The following SPEG variants were observed in gnomAD, a reference collection of about 807,000 sequenced individuals.
SPEG encodes the protein striated muscle preferentially expressed protein kinase.
SPEG carries 114 observed loss-of-function variants against 300.4 expected under a neutral mutation model. The ratio of observed to expected loss-of-function variants is 0.38; its 90% CI spans 0.33 to 0.44. The LOEUF (loss-of-function observed/expected upper bound fraction) is 0.44. Ranked by LOEUF, SPEG falls within the 20% of genes least tolerant of loss-of-function variation. The pLI is 1.00. For synonymous variants in SPEG, 1,964 were observed against 2,018.9 expected, an observed-to-expected ratio of 0.97 and a Z score of 0.73; for missense variants, 4,201 against 4,586.2, an observed-to-expected ratio of 0.92 and a Z score of 2.43.
rs1193831778 is a variant in SPEG, at chr2:219,448,989, G to C, written c.1831G>C (p.Val611Leu). The change falls in exon 4 of 41, where the codon GTG becomes CTG. Residue 611 changes from valine (V) to leucine (L), a missense_variant. Coordinates refer to ENST00000312358, the MANE Select transcript of SPEG (RefSeq NM_005876.5). ...AGCCATCCAGGAGTGCAGGAGCCCT[G>C]TGCCGCCCCCCGCCGCCGATCCCCC... The part of the protein sequence containing the change: ...SRAIQECRSP[V>L]PPPAADPPEA... 7 of 1,494,972 alleles carry C rather than the reference G, an allele frequency of 4.7e-6. No homozygotes were observed. Among genetic ancestry groups the C allele is most frequent in the Non-Finnish European group, 6.2e-6 (7 of 1,125,142 alleles). 92.6% of individuals were successfully genotyped at this position (1,494,972 alleles called of 1,614,324 possible). A position where few individuals can be genotyped will look rare whatever the true frequency, so the allele number is the denominator to read the frequency against.
chr2:219,480,821 A>T lies in SPEG; in HGVS notation c.5369+124A>T, dbSNP rs1006330295. On this transcript the variant is annotated intron_variant, in intron 26 of 40. Transcript: ENST00000312358. This position sits in a 1 kb window ranked among gnomAD's most constrained non-coding sequence, Gnocchi z 5.3. ...TCCTTCTTGCACTGCAAGGAGCCTC[A>T]TGTGCATGAAGGTGGACACCCCTGT... The T allele has an allele frequency of 1.6e-5, 15 of 920,626 alleles. No individual in the cohort carries two copies. In the Admixed American group the frequency reaches 1.9e-4, roughly 11 times the overall value. The allele number at this position is 920,626 out of a possible 1,614,324, so 57.0% of individuals were successfully genotyped here. A position where few individuals can be genotyped will look rare whatever the true frequency, so the allele number is the denominator to read the frequency against.
In SPEG at chr2:219,484,757, C is replaced by T. The variant is rs1046152112; in HGVS notation, c.7294C>T (p.Arg2432Cys). 9 of 1,461,970 alleles carry T rather than the reference C, an allele frequency of 6.2e-6. No individual in the cohort carries two copies. The highest frequency in any genetic ancestry group is 8.0e-6 in the Non-Finnish European group (9 of 1,118,836). 90.6% of individuals were successfully genotyped at this position (1,461,970 alleles called of 1,614,324 possible). A position where few individuals can be genotyped will look rare whatever the true frequency, so the allele number is the denominator to read the frequency against. ...PAQRHPAWEARGGDGESSEGG... is the reference protein window; with the variant it reads ...PAQRHPAWEACGGDGESSEGG... ...GCAGCGCCACCCGGCCTGGGAGGCC[C>T]GCGGCGGGGACGGAGAGAGCTCGGA... The change falls in exon 30 of 41, where the codon CGC (arginine) becomes TGC (cysteine). Residue 2432 changes from arginine (R) to cysteine (C), a missense_variant. By Grantham distance (180) the Arg-to-Cys change is radical. Around this residue, in one of 4 missense-constraint regions of SPEG, gnomAD observed 1,578 missense variants for 1,506.0 expected, o/e 1.05. Transcript: ENST00000312358.
At position 219,448,121 on chromosome 2, in the gene SPEG, G is replaced by T. The variant is rs775841824; in HGVS notation, c.963G>T (p.Pro321=). ...CCCCTCGGGTCGGGAAGCGGTCCCCGCCGGGACCCCCGGCCCAGCCCGCGG... is the reference window on the plus strand; with the variant it reads ...CCCCTCGGGTCGGGAAGCGGTCCCCTCCGGGACCCCCGGCCCAGCCCGCGG... ...PPSPRVGKRS[P]PGPPAQPAAT... The change falls in exon 4 of 41, where the codon CCG becomes CCT. Residue 321 remains proline (P), a synonymous_variant. Coordinates refer to ENST00000312358, the MANE Select transcript of SPEG (RefSeq NM_005876.5). The T allele has an allele frequency of 1.2e-6, 2 of 1,603,224 alleles. No individual in the cohort carries two copies. Among genetic ancestry groups the T allele is most frequent in the South Asian group, 1.1e-5 (1 of 90,220 alleles).
intron 28 of SPEG, chr2:219,482,002 T>G: frequency 2.0e-6 from 1 of 498,592 alleles, no homozygotes; most frequent in South Asian, 2.2e-5. Flanking sequence ...TCCTGACTTC[T>G]GTCTGTCCAT....
At position 219,479,866 on chromosome 2, in the gene SPEG, G is replaced by A. The variant is rs776547819; in HGVS notation, c.5163+6G>A. 2 of 1,614,124 alleles carry A rather than the reference G, an allele frequency of 1.2e-6. No homozygotes were observed. The highest frequency in any genetic ancestry group is 2.2e-5 in the South Asian group (2 of 91,080). On this transcript the variant is annotated splice_donor_region_variant and intron_variant, in intron 24 of 40. Coordinates refer to ENST00000312358, the MANE Select transcript of SPEG (RefSeq NM_005876.5). This position sits in a 1 kb window ranked among gnomAD's most constrained non-coding sequence, Gnocchi z 5.5. ...TGCTGCACCTCGATGTCAAGGTGAG[G>A]TGGGGACTGGAGAGCAGACAGCCCC...
In SPEG at chr2:219,479,186, C is replaced by T. The variant is rs780483131; in HGVS notation, c.5070C>T (p.Thr1690=). ...ELLERIARKP[T]VCESEIRAYM... ...TGGAGCGAATCGCCAGGAAACCCAC[C>T]GTGTGTGAGTCTGAGGTGAGGGCAG... Residue 1690 remains threonine (T), a synonymous_variant, in exon 23 of 41, where the codon ACC becomes ACT. Transcript: ENST00000312358. This position sits in a 1 kb window ranked among gnomAD's most constrained non-coding sequence, Gnocchi z 5.5. 20 of 1,613,436 alleles carry T rather than the reference C, an allele frequency of 1.2e-5. No homozygotes were observed. The highest frequency in any genetic ancestry group is 1.4e-5 in the Non-Finnish European group (17 of 1,179,920).
At chr2:219,436,958 G>T (rs1316201218) in intron 1 of SPEG, among the ~76,000 whole-genome samples, 1 of 152,180 alleles carries the variant, frequency 6.6e-6, no homozygotes, top group Non-Finnish European at 1.5e-5. Context: ...GGAAGGGAAC[G>T]AAAGAGCTGA....
intron 9 of SPEG, chr2:219,465,908 CAT>C: frequency 1.5e-6 from 1 of 683,354 alleles, no homozygotes; most frequent in Non-Finnish European, 2.5e-6. Flanking sequence ...TGGGTGTGTG[CAT>C]GCGTGTGTGT....
At chr2:219,468,148 A>G (rs1028341550) in intron 10 of SPEG, among the ~76,000 whole-genome samples, 1 of 152,236 alleles carries the variant, frequency 6.6e-6, no homozygotes. Context: ...GCCAAGGGGC[A>G]TCTGCTCTGG....
intron 18 of SPEG, 29 bp from the exon 19 acceptor site, chr2:219,476,841 C>T (rs951615818): frequency 1.3e-5 from 21 of 1,581,984 alleles, no homozygotes; most frequent in Non-Finnish European, 1.7e-5. Context: ...AGCCCCTTCT[C>T]TTCCCACCCC....
chr2:219,485,964 C>T (rs774293101), intron 31 of SPEG, among the ~76,000 whole-genome samples: 6 of 152,178 alleles, frequency 3.9e-5, no homozygotes, highest in Non-Finnish European at 8.8e-5. Context: ...CCTCCTGCCT[C>T]CACAGTCCCC....
Position 219,479,353 on chromosome 2 carries a change from C to T in SPEG, c.5085+152C>T, listed in dbSNP as rs1033062599. The T allele has an allele frequency of 3.5e-5, 23 of 662,444 alleles. No individual in the cohort carries two copies. Among genetic ancestry groups the T allele is most frequent in the Admixed American group, 3.0e-4 (14 of 47,388 alleles). The allele number at this position is 662,444 out of a possible 1,614,324, so 41.0% of individuals were successfully genotyped here. On this transcript the variant is annotated intron_variant, in intron 23 of 40. Transcript: ENST00000312358. The surrounding 1 kb of genome is among the most constrained non-coding windows in gnomAD (Gnocchi z 5.5). ...GCACTGTTAGGTAGGCAGCAGAGTC[C>T]CCACCCAATGATACCAGACCCCCAT...
rs1689444855 is a variant in SPEG, at chr2:219,447,997, G to T, written c.839G>T (p.Arg280Leu). The change falls in exon 4 of 41, where the codon CGC becomes CTC. Residue 280 changes from arginine (R) to leucine (L), a missense_variant. Arg to Leu is a moderately radical substitution (Grantham distance 102). Coordinates refer to ENST00000312358, the MANE Select transcript of SPEG (RefSeq NM_005876.5). Reference protein sequence around the residue: ...IHVSVPQSGLRREEPDLQPQL... With the variant: ...IHVSVPQSGLLREEPDLQPQL... Reference sequence around the variant, plus strand: ...AGCAGCGTCCCTCAGAGCGGGTTGCGCAGGGAGGAGCCCGACCTTCAGCCT... The same window carrying T: ...AGCAGCGTCCCTCAGAGCGGGTTGCTCAGGGAGGAGCCCGACCTTCAGCCT... 6.2e-7 allele frequency: 1 copy of T among 1,612,390 alleles called. No homozygotes were observed. Among genetic ancestry groups the T allele is most frequent in the Non-Finnish European group, 8.5e-7 (1 of 1,179,894 alleles).
chr2:219,481,455 C>G lies in SPEG; in HGVS notation c.5521C>G (p.Leu1841Val). 2 of 1,614,066 alleles carry G rather than the reference C, an allele frequency of 1.2e-6. No individual in the cohort carries two copies. The change falls in exon 27 of 41, where the codon CTG (leucine) becomes GTG (valine). Residue 1841 changes from leucine (L) to valine (V), a missense_variant and splice_region_variant. Around this residue, in one of 4 missense-constraint regions of SPEG, gnomAD observed 1,047 missense variants for 1,356.8 expected, o/e 0.77. Transcript: ENST00000312358. This position sits in a 1 kb window ranked among gnomAD's most constrained non-coding sequence, Gnocchi z 5.4. Reference protein sequence around the residue: ...FLIKVLVQDRLRPTAEETLEH... With the variant: ...FLIKVLVQDRVRPTAEETLEH... ...CATCAAAGTGTTGGTGCAGGACCGGCTGTGAGTACAAGGCCCTGGGAGCCC... is the reference window on the plus strand; with the variant it reads ...CATCAAAGTGTTGGTGCAGGACCGGGTGTGAGTACAAGGCCCTGGGAGCCC...
chr2:219,469,581 C>T (rs568953415), intron 13 of SPEG, among the ~76,000 whole-genome samples: 2 of 152,296 alleles, frequency 1.3e-5, no homozygotes, highest in African/African-American at 4.8e-5. Flanking sequence ...GCTGAGTCAC[C>T]CCTCAGTGCC....
At chr2:219,450,951 T>G (rs1689698788) in intron 4 of SPEG, 185 bp from the exon 5 acceptor site, 1 of 601,484 alleles carries the variant, frequency 1.7e-6, no homozygotes, top group African/African-American at 1.9e-5. Context: ...AGAATGCTCC[T>G]TCTGACTTCC....
At position 219,448,492 on chromosome 2, in the gene SPEG, C is replaced by A; in HGVS notation, c.1334C>A (p.Ala445Glu). ...SLEQPKSERGAPWGTPGASQE... is the reference protein window; with the variant it reads ...SLEQPKSERGEPWGTPGASQE... ...GAGCAGCCCAAGTCGGAGCGCGGCG[C>A]ACCGTGGGGCACCCCCGGGGCCTCG... is the stretch of plus-strand genomic sequence containing the variant. The change falls in exon 4 of 41, where the codon GCA becomes GAA. Residue 445 changes from alanine (A) to glutamate (E), a missense_variant. Around this residue, in one of 4 missense-constraint regions of SPEG, gnomAD observed 1,258 missense variants for 1,293.9 expected, o/e 0.97. Transcript: ENST00000312358. 1 of 1,458,998 alleles carries A rather than the reference C, an allele frequency of 6.9e-7. No homozygotes were observed. The highest frequency in any genetic ancestry group is 9.0e-7 in the Non-Finnish European group (1 of 1,114,768). The allele number at this position is 1,458,998 out of a possible 1,614,324, so 90.4% of individuals were successfully genotyped here.
chr2:219,482,450 G>A, intron 28 of SPEG: 1 of 277,326 alleles, frequency 3.6e-6, no homozygotes, highest in Admixed American at 4.5e-5. Flanking sequence ...CAGGACCCGG[G>A]TAAAGGGCCT....
At position 219,482,903 on chromosome 2, in the gene SPEG, G is replaced by C. The variant is rs371060235; in HGVS notation, c.5634+51G>C. On this transcript the variant is annotated intron_variant, in intron 29 of 40. Coordinates refer to ENST00000312358, the MANE Select transcript of SPEG (RefSeq NM_005876.5). The stretch of plus-strand genomic sequence containing the variant: ...GCTTTCCACCTTCTCCTTTTCTCTA[G>C]CACTGCCTTCCCCCTCCCGTGGGCC... 89 of 1,573,390 alleles carry C rather than the reference G, an allele frequency of 5.7e-5. No individual in the cohort carries two copies. In the African/African-American group the frequency reaches 9.7e-4, roughly 17 times the overall value.
Sources: gnomAD v4.1 joint callset for allele counts (sites outside exome capture counted in the v4.1 genomes callset) on GRCh38, gnomAD v4.1.1 for gene constraint, gnomAD v4.1.1 regional missense constraint, Gnocchi (gnomAD v3.1) non-coding constraint, MANE v1.5 for transcripts, NCBI Gene and HGNC (gene_info 2026-07-23, HGNC 2026-07-21) for gene names.